Variants in GCSAML observed in about 807,000 individuals in gnomAD.
GCSAML encodes germinal center associated signaling and motility like, also known as germinal center-associated signaling and motility-like protein.
Under a neutral mutation model 13.0 loss-of-function variants are expected in GCSAML, and 9 were observed. That is an observed-to-expected ratio of 0.69 (90% CI 0.42 to 1.21). GCSAML has a LOEUF of 1.21. Ranked by LOEUF, GCSAML falls within the 50% of genes most tolerant of loss-of-function variation. The pLI, the probability that GCSAML is intolerant of heterozygous loss-of-function variation, is 0.00. For missense variants in GCSAML, 143 were observed against 153.4 expected (o/e 0.93, Z 0.36); for synonymous variants, 37 against 52.9 (o/e 0.70, Z 1.31).
chr1:247,563,121 C>T lies in GCSAML; in HGVS notation c.90-469C>T, dbSNP rs187659339. Among the ~76,000 whole-genome samples the T allele has an allele frequency of 4.9e-3, 739 of 151,618 alleles. 4 individuals are homozygous for T. The highest frequency in any genetic ancestry group is 0.017 in the Middle Eastern group (5 of 294). On this transcript the variant is annotated intron_variant, in intron 2 of 4. Coordinates refer to ENST00000366488, the MANE Select transcript of GCSAML (RefSeq NM_145278.5). ...CCTTGGCCTCCCAAAGTGCTGGGAT[C>T]ACAGGCATAAGCCATCCCACCCGGC... is the stretch of plus-strand genomic sequence containing the variant.
chr1:247,548,834 G>A (rs1290596675), upstream of GCSAML, among the ~76,000 whole-genome samples: 1 of 152,190 alleles, frequency 6.6e-6, no homozygotes, highest in Non-Finnish European at 1.5e-5. This position sits in a 1 kb window ranked among gnomAD's most constrained non-coding sequence, Gnocchi z 5.3. Flanking sequence ...TCCTTACCTT[G>A]TTTCGTCTTG....
rs1666962218 is a variant in GCSAML at position 247,531,652 on chromosome 1, T to C, written c.-148+4598T>C. The C allele has an allele frequency of 1.9e-6, 3 of 1,613,980 alleles. No individual in the cohort carries two copies. The East Asian group carries it at 6.7e-5, about 36-fold the overall frequency. ...GTTCCTCAGGGTGTAAATAAGTGGG[T>C]TCAGCGCAGGAGTGACTACGGTGTA... On this transcript the variant is annotated intron_variant, in intron 2 of 5. Transcript: ENST00000366489.
chr1:247,510,790 CA>C (rs1666008714), intron 1 of GCSAML, among the ~76,000 whole-genome samples: 1 of 152,200 alleles, frequency 6.6e-6, no homozygotes, highest in African/African-American at 2.4e-5. Context: ...GTTCAGTTTT[CA>C]TGCAGTTTTG....
Position 247,575,740 on chromosome 1 carries a change from A to G in GCSAML, c.*1358A>G, listed in dbSNP as rs1374524468. On this transcript the variant is annotated 3_prime_UTR_variant, in exon 5 of 5. Transcript: ENST00000366488. ...AAAAATTGAAAATAAACTTGTGCTT[A>G]TATTTTGTTTGCAACACACTAGTTA... The G allele has an allele frequency of 6.6e-6, 1 of 152,228 alleles. No individual in the cohort carries two copies. The highest frequency in any genetic ancestry group is 1.5e-5 in the Non-Finnish European group (1 of 68,038). The allele number at this position is 152,228 out of a possible 1,614,324, so 9.4% of individuals were successfully genotyped here.
chr1:247,508,236 G>T (rs1208661962), intron 1 of GCSAML, among the ~76,000 whole-genome samples: 1 of 152,086 alleles, frequency 6.6e-6, no homozygotes, highest in South Asian at 2.1e-4. Flanking sequence ...ATCTCATTGT[G>T]GTTTTGATTT....
At chr1:247,569,393 T>G (rs181577066) in intron 4 of GCSAML, among the ~76,000 whole-genome samples, 3 of 152,326 alleles carry the variant, frequency 2.0e-5, no homozygotes, top group Non-Finnish European at 2.9e-5. Context: ...AGTACCTAGT[T>G]TATTGAGTGT....
At chr1:247,555,560 T>C (rs77783769) in intron 1 of GCSAML, among the ~76,000 whole-genome samples, 1,712 of 152,328 alleles carry the variant, frequency 0.011, 32 homozygotes, top group African/African-American at 0.036. Context: ...ATGACCTCTA[T>C]TCAGGGAAGG....
At chr1:247,511,931 C>A (rs1011641681) in intron 1 of GCSAML, among the ~76,000 whole-genome samples, 3 of 152,268 alleles carry the variant, frequency 2.0e-5, no homozygotes, top group African/African-American at 7.2e-5. Context: ...TCTCTGACTG[C>A]CCTTAACATT....
chr1:247,509,349 T>C (rs528733259), intron 1 of GCSAML, among the ~76,000 whole-genome samples: 2 of 152,334 alleles, frequency 1.3e-5, no homozygotes, highest in African/African-American at 2.4e-5. Context: ...GTTTTGCCGA[T>C]TGATTTTATA....
intron 2 of GCSAML, among the ~76,000 whole-genome samples, chr1:247,537,379 T>C (rs543377212): frequency 1.3e-5 from 2 of 152,350 alleles, no homozygotes; most frequent in Non-Finnish European, 2.9e-5. Context: ...TGACAGACAT[T>C]TGGGTTAGTT....
chr1:247,521,181 A>G (rs1022823788), intron 1 of GCSAML, among the ~76,000 whole-genome samples: 1 of 151,002 alleles, frequency 6.6e-6, no homozygotes, highest in East Asian at 1.9e-4. Context: ...CCCAACTAGG[A>G]ATTGGGAATC....
chr1:247,562,329 G>A (rs918603608), intron 2 of GCSAML, among the ~76,000 whole-genome samples: 15 of 152,200 alleles, frequency 9.9e-5, no homozygotes, highest in African/African-American at 2.4e-4. Context: ...AGTCCTCAGC[G>A]CGCCCGTGCC....
At chr1:247,554,022 G>A (rs1323781033) in intron 1 of GCSAML, among the ~76,000 whole-genome samples, 1 of 152,012 alleles carries the variant, frequency 6.6e-6, no homozygotes, top group African/African-American at 2.4e-5. Flanking sequence ...TGATCGAGTT[G>A]GACCTGTGAT....
At chr1:247,516,744 T>C (rs1666225869) in intron 1 of GCSAML, among the ~76,000 whole-genome samples, 1 of 152,166 alleles carries the variant, frequency 6.6e-6, no homozygotes, top group Admixed American at 6.5e-5. Flanking sequence ...CTGTTTACAC[T>C]ACAACCTAAC....
chr1:247,543,111 T>C (rs932090708), intron 2 of GCSAML, among the ~76,000 whole-genome samples: 1 of 152,216 alleles, frequency 6.6e-6, no homozygotes, highest in African/African-American at 2.4e-5. Context: ...ATCAGTGCCC[T>C]TGAAAACAAG....
At chr1:247,563,149 C>T (rs551678443) in intron 2 of GCSAML, among the ~76,000 whole-genome samples, 1 of 152,092 alleles carries the variant, frequency 6.6e-6, no homozygotes, top group East Asian at 1.9e-4. Context: ...CACCCGGCCA[C>T]CACACTTATT....
rs770615556 is a variant in GCSAML, at chr1:247,527,708, T to G, written c.-148+654T>G. Reference sequence around the variant, plus strand: ...TGATCAGATAAGTGTGATTAGAATATCCATCATCTCAAACATTTATCGTTT... The same window carrying G: ...TGATCAGATAAGTGTGATTAGAATAGCCATCATCTCAAACATTTATCGTTT... On this transcript the variant is annotated intron_variant, in intron 2 of 5. Transcript: ENST00000366489. The surrounding 1 kb of genome is among the most constrained non-coding windows in gnomAD (Gnocchi z 4.6). The G allele has an allele frequency of 6.6e-6, 1 of 152,210 alleles. No homozygotes were observed. Among genetic ancestry groups the G allele is most frequent in the Non-Finnish European group, 1.5e-5 (1 of 68,034 alleles). The allele number at this position is 152,210 out of a possible 1,614,324, so 9.4% of individuals were successfully genotyped here. A position where few individuals can be genotyped will look rare whatever the true frequency, so the allele number is the denominator to read the frequency against.
chr1:247,549,216 C>T lies in GCSAML; in HGVS notation c.25C>T (p.Leu9Phe). MGNYLLRK[L>F]SCLGENQKKP... Reference sequence around the variant, plus strand: ...GATGGGAAATTATCTCCTGCGAAAACTCAGGTGAGTCTTGACTCTTGGTGC... The same window carrying T: ...GATGGGAAATTATCTCCTGCGAAAATTCAGGTGAGTCTTGACTCTTGGTGC... The change falls in exon 1 of 5, where the codon CTC becomes TTC. Residue 9 changes from leucine (L) to phenylalanine (F), a missense_variant. Leu to Phe is a conservative substitution (Grantham distance 22, BLOSUM62 0). Coordinates refer to ENST00000366488, the MANE Select transcript of GCSAML (RefSeq NM_145278.5). 6.2e-7 allele frequency: 1 copy of T among 1,613,892 alleles called. No individual in the cohort carries two copies. The highest frequency in any genetic ancestry group is 1.7e-5 in the Admixed American group (1 of 60,034).
intron 2 of GCSAML, among the ~76,000 whole-genome samples, chr1:247,534,235 C>T (rs1356853920): frequency 1.3e-5 from 2 of 152,090 alleles, no homozygotes; most frequent in African/African-American, 4.8e-5. Flanking sequence ...TCCATGGAGC[C>T]ATAGTTTTAT....
Sources: allele counts gnomAD v4.1 joint callset (sites outside exome capture counted in the v4.1 genomes callset), GRCh38; gene constraint gnomAD v4.1.1; non-coding constraint Gnocchi (gnomAD v3.1); transcripts MANE v1.5; gene names NCBI Gene and HGNC (gene_info 2026-07-23, HGNC 2026-07-21).